BANP: variants seen among roughly 807,000 people sequenced by gnomAD.
BANP encodes BTG3 associated nuclear protein.
In BANP, 11 loss-of-function variants were observed where a neutral mutation model predicts 68.1. The observed-to-expected ratio is 0.16, with a 90% CI of 0.10 to 0.27. The LOEUF is 0.27. Ranked by LOEUF, BANP falls within the 10% of genes least tolerant of loss-of-function variation. The pLI is 1.00. For missense variants in BANP, 504 were observed against 722.7 expected (o/e 0.70, Z 3.47); for synonymous variants, 329 against 303.2 (o/e 1.09, Z -0.88).
chr16:88,049,337 C>T (rs533836972), intron 11 of BANP, among the ~76,000 whole-genome samples: 1 of 152,150 alleles, frequency 6.6e-6, no homozygotes, highest in South Asian at 2.1e-4. Flanking sequence ...ACATAGGCTA[C>T]GGGTGTGGAG....
chr16:87,983,540 A>T (rs2063707094), intron 3 of BANP, among the ~76,000 whole-genome samples: 1 of 152,062 alleles, frequency 6.6e-6, no homozygotes, highest in Non-Finnish European at 1.5e-5. Context: ...TTTGCCAACC[A>T]CTAGGTGGCA....
At chr16:87,988,105 G>GT (rs2064936350) in intron 4 of BANP, among the ~76,000 whole-genome samples, 1 of 152,166 alleles carries the variant, frequency 6.6e-6, no homozygotes, top group African/African-American at 2.4e-5. Flanking sequence ...ATGAAAAAAA[G>GT]TATGTTTAAA....
Position 87,961,407 on chromosome 16 carries a change from G to GCCCCCC in BANP, c.-69+9893_-69+9894insCCCCCC, listed in dbSNP as rs149889657. Among the ~76,000 whole-genome samples, 640 of 116,570 alleles carry GCCCCCC rather than the reference G, an allele frequency of 5.5e-3. 83 individuals are homozygous for GCCCCCC. Among genetic ancestry groups the GCCCCCC allele is most frequent in the East Asian group, 0.011 (56 of 4,960 alleles). The allele number at this position is 116,570 out of a possible 152,430, so 76.5% of individuals were successfully genotyped here. Reference sequence around the variant, plus strand: ...TCGAACTCCTGGACTCACAGAATCTGCACCCCCCCGGGCCTCCCAAAGTGC... The same window carrying GCCCCCC: ...TCGAACTCCTGGACTCACAGAATCTGCCCCCCCACCCCCCCGGGCCTCCCAAAGTGC... On this transcript the variant is annotated intron_variant, in intron 1 of 13. Transcript: ENST00000682872.
intron 11 of BANP, among the ~76,000 whole-genome samples, chr16:88,047,058 T>TC (rs2082192677): frequency 6.9e-6 from 1 of 145,038 alleles, no homozygotes; most frequent in Non-Finnish European, 1.5e-5. Context: ...ATAGCGAGAC[T>TC]CCGTCTCAAA....
At chr16:88,053,272 ATCACCG>A (rs1312501890) in intron 11 of BANP, among the ~76,000 whole-genome samples, 1 of 151,362 alleles carries the variant, frequency 6.6e-6, no homozygotes, top group Non-Finnish European at 1.5e-5. Flanking sequence ...CTTCACTATC[ATCACCG>A]TCACCAACAC....
rs2079474918 is a variant in BANP, at chr16:88,036,786, C to T, written c.1273-1187C>T. On this transcript the variant is annotated intron_variant, in intron 10 of 13. Transcript: ENST00000682872. The surrounding 1 kb of genome is among the most constrained non-coding windows in gnomAD (Gnocchi z 4.2). ...GGGCGGGGAGCAGGTAGGGGACGGT[C>T]CCAGGAGGCCAGAGTGTCCAGGAAG... Among the ~76,000 whole-genome samples the T allele has an allele frequency of 6.6e-6, 1 of 152,136 alleles. No individual in the cohort carries two copies.
intron 7 of BANP, among the ~76,000 whole-genome samples, chr16:88,020,531 T>A (rs547453349): frequency 2.0e-5 from 3 of 152,266 alleles, no homozygotes; most frequent in Non-Finnish European, 4.4e-5. Context: ...GATAGAAACG[T>A]CTGCAACCTG....
intron 4 of BANP, among the ~76,000 whole-genome samples, chr16:87,999,405 C>T (rs1174128567): frequency 7.7e-4 from 92 of 118,964 alleles, no homozygotes; most frequent in Non-Finnish European, 1.3e-3. Flanking sequence ...GCTGGACTTA[C>T]CTGTCCTTCC....
At chr16:88,076,547 C>G in intron 13 of BANP, 43 bp from the exon 14 acceptor site, 1 of 1,573,762 alleles carries the variant, frequency 6.4e-7, no homozygotes, top group Non-Finnish European at 8.7e-7. Flanking sequence ...CCATGCAGTG[C>G]TGGGTATTTT....
chr16:88,044,389 T>C (rs1314409612), intron 11 of BANP, among the ~76,000 whole-genome samples: 1 of 152,274 alleles, frequency 6.6e-6, no homozygotes, highest in Non-Finnish European at 1.5e-5. Flanking sequence ...CCTCCCTCGC[T>C]CACGTGTGTG....
intron 1 of BANP, among the ~76,000 whole-genome samples, chr16:87,958,851 C>T (rs138455270): frequency 3.6e-4 from 55 of 152,320 alleles, no homozygotes; most frequent in East Asian, 1.2e-3. Flanking sequence ...GTGAGCTCAG[C>T]GGCACAAACT....
At chr16:87,997,623 A>G (rs2067639320) in intron 4 of BANP, among the ~76,000 whole-genome samples, 2 of 148,692 alleles carry the variant, frequency 1.3e-5, no homozygotes, top group Admixed American at 1.3e-4. Flanking sequence ...GAGTGAGACC[A>G]TGTCTTCATG....
chr16:87,951,910 G>A (rs116210153), intron 1 of BANP, among the ~76,000 whole-genome samples: 4 of 152,170 alleles, frequency 2.6e-5, no homozygotes, highest in East Asian at 1.9e-4. Flanking sequence ...GGGGCCCGAA[G>A]TCTCCCAAGG....
chr16:87,956,935 A>T (rs1185956195), intron 1 of BANP: 1 of 151,950 alleles, frequency 6.6e-6, no homozygotes, highest in Non-Finnish European at 1.5e-5. Context: ...AGAGAGGAGC[A>T]CCCCGGGGCC....
chr16:87,983,287 G>A (rs2063645380), intron 3 of BANP, among the ~76,000 whole-genome samples: 1 of 152,292 alleles, frequency 6.6e-6, no homozygotes, highest in Admixed American at 6.5e-5. Context: ...CTGTCTGCTG[G>A]TGAGACCTGG....
chr16:88,030,706 G>T lies in BANP; in HGVS notation c.1064-2403G>T, dbSNP rs1367682814. Reference sequence around the variant, plus strand: ...GGTGCAACAGCGTGTGAAGCCGAGTGTTTTGCTGGCTGCGCTGGTAGGCAG... The same window carrying T: ...GGTGCAACAGCGTGTGAAGCCGAGTTTTTTGCTGGCTGCGCTGGTAGGCAG... On this transcript the variant is annotated intron_variant, in intron 8 of 13. Coordinates refer to ENST00000682872, the MANE Select transcript of BANP (RefSeq NM_001386991.1). 2.0e-5 allele frequency among the ~76,000 whole-genome samples: 3 copies of T among 152,236 alleles called. No individual in the cohort carries two copies. The South Asian group carries it at 6.2e-4, about 31-fold the overall frequency.
intron 1 of BANP, 120 bp from the exon 2 acceptor site, chr16:87,974,928 A>C: frequency 1.7e-6 from 1 of 584,870 alleles, no homozygotes; most frequent in Non-Finnish European, 3.1e-6. Context: ...AGAACCCTGC[A>C]TGTAAAACTC....
At chr16:87,958,194 C>G (rs1188485639) in intron 1 of BANP, among the ~76,000 whole-genome samples, 1 of 152,154 alleles carries the variant, frequency 6.6e-6, no homozygotes, top group African/African-American at 2.4e-5. Context: ...CCCTCATGTT[C>G]TTGAACTCTG....
chr16:87,961,542 C>G (rs1471473137), intron 1 of BANP, among the ~76,000 whole-genome samples: 1 of 152,140 alleles, frequency 6.6e-6, no homozygotes, highest in African/African-American at 2.4e-5. Flanking sequence ...ATAGGAAACT[C>G]TAGTTGTTTT....
Sources: gnomAD v4.1 joint callset for allele counts (sites outside exome capture counted in the v4.1 genomes callset) on GRCh38, gnomAD v4.1.1 for gene constraint, Gnocchi (gnomAD v3.1) non-coding constraint, MANE v1.5 for transcripts, NCBI Gene and HGNC (gene_info 2026-07-23, HGNC 2026-07-21) for gene names.